The following MYO18B variants were observed in gnomAD, a reference collection of about 807,000 sequenced individuals.
The protein encoded by MYO18B is myosin XVIIIB.
In MYO18B, 204 loss-of-function variants were observed where a neutral mutation model predicts 273.0. The ratio of observed to expected loss-of-function variants is 0.75; its 90% CI spans 0.67 to 0.84. The LOEUF (loss-of-function observed/expected upper bound fraction) is 0.84. Among genes scored for constraint, MYO18B ranks in the 40% least tolerant of loss-of-function variants. The pLI is 0.00. For synonymous variants in MYO18B, 1,330 were observed against 1,305.7 expected (o/e 1.02, Z -0.40); for missense variants, 3,212 against 3,287.6 (o/e 0.98, Z 0.56).
Position 25,847,494 on chromosome 22 carries a change from C to G in MYO18B, c.3617C>G (p.Pro1206Arg), listed in dbSNP as rs369924325. Residue 1206 changes from proline (P) to arginine (R), a missense_variant, in exon 20 of 44, where the codon CCT becomes CGT. By Grantham distance (103) the Pro-to-Arg change is moderately radical. Coordinates refer to ENST00000335473, the MANE Select transcript of MYO18B (RefSeq NM_032608.7). ...TTTATCCACTGCCTGGTACCAAACC[C>G]TGTGGTGGAAAGCAGGAGTGGGCAG... is the stretch of plus-strand genomic sequence containing the variant. ...LHFIHCLVPN[P>R]VVESRSGQES... The G allele has an allele frequency of 6.3e-6, 10 of 1,582,266 alleles. No homozygotes were observed. In the African/African-American group the frequency reaches 1.3e-4, roughly 21 times the overall value.
chr22:25,853,031 C>T (rs11703880), intron 21 of MYO18B, among the ~76,000 whole-genome samples: 5,776 of 152,248 alleles, frequency 0.038, 152 homozygotes, highest in East Asian at 0.11. Flanking sequence ...CCATGAAACT[C>T]GATGGAGTGT....
chr22:25,950,244 A>G (rs1235338364), intron 36 of MYO18B, 123 bp from the exon 37 acceptor site: 1 of 751,060 alleles, frequency 1.3e-6, no homozygotes. Context: ...AGCTATTATC[A>G]TAGAAGCTCT....
At chr22:25,956,935 T>C (rs1283990739) in intron 39 of MYO18B, among the ~76,000 whole-genome samples, 1 of 152,226 alleles carries the variant, frequency 6.6e-6, no homozygotes, top group African/African-American at 2.4e-5. Context: ...ACAAGCTGGC[T>C]GTCTGGTTCT....
At chr22:25,921,510 A>G in intron 34 of MYO18B, 101 bp downstream of exon 34, 10 of 1,398,598 alleles carry the variant, frequency 7.2e-6, no homozygotes, top group Middle Eastern at 5.0e-4. Context: ...CATGGTGCCA[A>G]CCTCCAACTT....
chr22:25,787,273 C>CAT (rs2145696858), intron 11 of MYO18B, among the ~76,000 whole-genome samples: 1 of 2,954 alleles, frequency 3.4e-4, no homozygotes, highest in East Asian at 4.0e-3. Context: ...CAGGCGCGCG[C>CAT]ACACACACAC....
chr22:26,011,246 A>G (rs1277935984), intron 42 of MYO18B, among the ~76,000 whole-genome samples: 1 of 151,988 alleles, frequency 6.6e-6, no homozygotes, highest in Non-Finnish European at 1.5e-5. Flanking sequence ...GTCCAGTAGT[A>G]AAGAGAATTT....
chr22:25,956,127 G>C (rs1344564514), intron 39 of MYO18B, among the ~76,000 whole-genome samples: 1 of 152,020 alleles, frequency 6.6e-6, no homozygotes, highest in Non-Finnish European at 1.5e-5. Flanking sequence ...ACAGGAGTAA[G>C]AATTTGAACC....
chr22:25,847,366 GGTCCA>G, intron 19 of MYO18B, 59 bp from the exon 20 acceptor site: 1 of 1,418,528 alleles, frequency 7.0e-7, no homozygotes. Flanking sequence ...ATTTGGAGAG[GGTCCA>G]GTCCCCTTTC....
At chr22:25,773,137 C>T (rs146118051) in intron 7 of MYO18B, among the ~76,000 whole-genome samples, 310 of 152,294 alleles carry the variant, frequency 2.0e-3, no homozygotes, top group African/African-American at 7.3e-3. Flanking sequence ...ACCTTGTGGA[C>T]GCACGAGGCA....
intron 1 of MYO18B, 41 bp from the exon 2 acceptor site, chr22:25,760,943 C>T: frequency 1.1e-6 from 1 of 869,774 alleles, no homozygotes; most frequent in East Asian, 2.5e-5. Flanking sequence ...ATGAGCTAAC[C>T]TGTCTCTCTC....
intron 12 of MYO18B, among the ~76,000 whole-genome samples, chr22:25,805,253 A>G (rs1390500375): frequency 6.6e-6 from 1 of 152,176 alleles, no homozygotes; most frequent in African/African-American, 2.4e-5. Context: ...AAGCTCCTCC[A>G]GGAGAAACCA....
intron 36 of MYO18B, among the ~76,000 whole-genome samples, chr22:25,949,438 G>C (rs2092766032): frequency 6.6e-6 from 1 of 151,794 alleles, no homozygotes; most frequent in Non-Finnish European, 1.5e-5. Flanking sequence ...GAAGCTGAGG[G>C]GTATGATGTG....
At chr22:25,927,400 T>G (rs2092436550) in intron 34 of MYO18B, among the ~76,000 whole-genome samples, 1 of 151,862 alleles carries the variant, frequency 6.6e-6, no homozygotes, top group Non-Finnish European at 1.5e-5. Flanking sequence ...ACTGCAGGGG[T>G]GAAAGAGACT....
chr22:26,061,680 C>A, the MYO18B span, among the ~76,000 whole-genome samples: 1 of 151,712 alleles, frequency 6.6e-6, no homozygotes, highest in African/African-American at 2.4e-5. Context: ...CGAGAAAGGT[C>A]ATCTACCACC....
At chr22:25,929,128 C>T (rs2092462248) in intron 34 of MYO18B, among the ~76,000 whole-genome samples, 1 of 148,122 alleles carries the variant, frequency 6.8e-6, no homozygotes, top group Non-Finnish European at 1.5e-5. Flanking sequence ...CACCATTACA[C>T]TCCAGCCTGG....
Position 25,874,363 on chromosome 22 carries a change from C to T in MYO18B, c.4029C>T (p.Phe1343=). Residue 1343 remains phenylalanine, a synonymous_variant, in exon 23 of 44, where the codon TTC becomes TTT. Coordinates refer to ENST00000335473, the MANE Select transcript of MYO18B (RefSeq NM_032608.7). ...TGGTATCTCAGAGCATCGTTCTCTT[C>T]CAGGCGGCTTGCAAGGGCTTTCTGT... The part of the protein sequence containing the change: ...EKLVSQSIVL[F]QAACKGFLSR... 6.2e-7 allele frequency: 1 copy of T among 1,613,974 alleles called. No individual in the cohort carries two copies. The highest frequency in any genetic ancestry group is 1.3e-5 in the African/African-American group (1 of 75,040).
intron 39 of MYO18B, among the ~76,000 whole-genome samples, chr22:25,957,381 A>G (rs576104009): frequency 1.3e-5 from 2 of 152,336 alleles, no homozygotes; most frequent in East Asian, 1.9e-4. Context: ...GTTCCCACAT[A>G]TGAATCAAAA....
intron 42 of MYO18B, among the ~76,000 whole-genome samples, chr22:26,007,722 C>A (rs924947571): frequency 6.6e-6 from 1 of 152,098 alleles, no homozygotes; most frequent in African/African-American, 2.4e-5. Context: ...GATGGGAAAA[C>A]CTGAGGTCTG....
intron 12 of MYO18B, among the ~76,000 whole-genome samples, chr22:25,819,448 C>G (rs1389017358): frequency 6.6e-6 from 1 of 152,244 alleles, no homozygotes; most frequent in Non-Finnish European, 1.5e-5. Context: ...ATTTAGTTCA[C>G]TCTCAATCCC....
Sources: gnomAD v4.1 joint callset for allele counts (sites outside exome capture counted in the v4.1 genomes callset) on GRCh38, gnomAD v4.1.1 for gene constraint, MANE v1.5 for transcripts, NCBI Gene and HGNC (gene_info 2026-07-23, HGNC 2026-07-21) for gene names.